The following ANO6 variants were observed in gnomAD, a reference collection of about 807,000 sequenced individuals.
ANO6 encodes the protein anoctamin 6.
In ANO6, 106 loss-of-function variants were observed where a neutral mutation model predicts 117.5. The observed-to-expected ratio is 0.90, with a 90% CI of 0.77 to 1.06. The LOEUF is 1.06. Among genes scored for constraint, ANO6 ranks in the 50% least tolerant of loss-of-function variants. ANO6 has a pLI of 0.00. For synonymous variants in ANO6, 367 were observed against 385.1 expected (o/e 0.95, Z 0.55); for missense variants, 955 against 1,121.1 (o/e 0.85, Z 2.12).
chr12:45,302,231 T>G, intron 2 of ANO6, 138 bp downstream of exon 2: 1 of 775,032 alleles, frequency 1.3e-6, no homozygotes, highest in Non-Finnish European at 2.2e-6. Context: ...GGACTGTGCG[T>G]TCAGAGCTCT....
intron 8 of ANO6, among the ~76,000 whole-genome samples, chr12:45,359,895 C>T (rs1389216934): frequency 1.3e-5 from 2 of 152,130 alleles, no homozygotes; most frequent in Non-Finnish European, 2.9e-5. Context: ...CATATTCCAC[C>T]TGCAATGTAT....
chr12:45,430,255 C>G lies in ANO6; in HGVS notation c.*944C>G. 1 of 985,372 alleles carries G rather than the reference C, an allele frequency of 1.0e-6. No individual in the cohort carries two copies. The highest frequency in any genetic ancestry group is 1.2e-6 in the Non-Finnish European group (1 of 829,942). The allele number at this position is 985,372 out of a possible 1,614,324, so 61.0% of individuals were successfully genotyped here. ...AATTTTCTACCAGTTGACTTTTATT[C>G]ATTAGATACAGAAGGTGCAGTATTA... On this transcript the variant is annotated 3_prime_UTR_variant, in exon 20 of 20. Transcript: ENST00000320560.
intron 10 of ANO6, among the ~76,000 whole-genome samples, chr12:45,379,163 A>G (rs545473261): frequency 3.3e-4 from 51 of 152,328 alleles, no homozygotes; most frequent in African/African-American, 9.4e-4. Flanking sequence ...AAACTGAACC[A>G]AGTTTCTTAT....
At chr12:45,293,729 G>GTTTTTTTTTTTT (rs138396024) in intron 1 of ANO6, among the ~76,000 whole-genome samples, 33 of 48,402 alleles carry the variant, frequency 6.8e-4, no homozygotes, top group Admixed American at 1.4e-3. Flanking sequence ...CCTGGCTAAT[G>GTTTTTTTTTTTT]TTTTTTTTTT....
At chr12:45,271,441 T>G (rs975918880) in intron 1 of ANO6, among the ~76,000 whole-genome samples, 5 of 152,240 alleles carry the variant, frequency 3.3e-5, no homozygotes, top group African/African-American at 1.2e-4. Flanking sequence ...TTACTTTTAA[T>G]AGCAAAAAGT....
intron 1 of ANO6, among the ~76,000 whole-genome samples, chr12:45,242,922 T>A (rs1947768524): frequency 6.6e-6 from 1 of 152,222 alleles, no homozygotes; most frequent in Admixed American, 6.5e-5. Flanking sequence ...AATTAATATT[T>A]TGCAAACATG....
chr12:45,400,941 A>G (rs1942769444), intron 12 of ANO6, among the ~76,000 whole-genome samples: 4 of 152,220 alleles, frequency 2.6e-5, no homozygotes, highest in African/African-American at 7.2e-5. Context: ...AGTACTGTGT[A>G]TCAAGTAAGG....
At chr12:45,333,272 C>A (rs1305553728) in intron 3 of ANO6, among the ~76,000 whole-genome samples, 1 of 151,926 alleles carries the variant, frequency 6.6e-6, no homozygotes, top group Non-Finnish European at 1.5e-5. Context: ...GCATGACTTT[C>A]CTGTTATTAT....
intron 2 of ANO6, among the ~76,000 whole-genome samples, chr12:45,317,113 G>GTGTGTGTGTGTATATATATA: frequency 9.0e-5 from 6 of 66,440 alleles, no homozygotes; most frequent in Non-Finnish European, 1.1e-4. Context: ...CTTTTTATAT[G>GTGTGTGTGTGTATATATATA]TATATATATA....
chr12:45,241,873 A>G (rs982983104), intron 1 of ANO6, among the ~76,000 whole-genome samples: 9 of 152,226 alleles, frequency 5.9e-5, no homozygotes, highest in Non-Finnish European at 1.2e-4. Flanking sequence ...GGGTATCACC[A>G]GTTGAGGCTG....
At chr12:45,403,602 C>T (rs1052535778) in intron 15 of ANO6, 66 bp downstream of exon 15, 1 of 1,329,772 alleles carries the variant, frequency 7.5e-7, no homozygotes. Flanking sequence ...CCACACAAAT[C>T]ATTTGCCTAC....
Position 45,430,015 on chromosome 12 carries a change from G to A in ANO6, c.*704G>A, listed in dbSNP as rs1943596420. ...TTATCTTCCAGGAGCACTCCTAGGA[G>A]GTTCCGTGCCTAATCAATGTTGACT... On this transcript the variant is annotated 3_prime_UTR_variant, in exon 20 of 20. Coordinates refer to ENST00000320560, the MANE Select transcript of ANO6 (RefSeq NM_001025356.3). The A allele has an allele frequency of 1.0e-6, 1 of 985,444 alleles. No homozygotes were observed. Among genetic ancestry groups the A allele is most frequent in the Non-Finnish European group, 1.2e-6 (1 of 830,064 alleles). 61.0% of individuals were successfully genotyped at this position (985,444 alleles called of 1,614,324 possible).
intron 3 of ANO6, among the ~76,000 whole-genome samples, chr12:45,332,832 G>T (rs10785571): frequency 0.54 from 81,933 of 151,820 alleles, 22,881 homozygotes; most frequent in East Asian, 0.88. Context: ...TACTCATGCT[G>T]CTTTACCACT....
At chr12:45,380,273 C>T (rs927329909) in intron 10 of ANO6, among the ~76,000 whole-genome samples, 11 of 152,232 alleles carry the variant, frequency 7.2e-5, no homozygotes, top group Admixed American at 3.9e-4. Context: ...CCTGCCCACT[C>T]CCTTCCTTGT....
At chr12:45,342,492 C>G (rs1260681969) in intron 3 of ANO6, among the ~76,000 whole-genome samples, 1 of 152,084 alleles carries the variant, frequency 6.6e-6, no homozygotes, top group African/African-American at 2.4e-5. Context: ...TGCTCTCTAT[C>G]TGGTGTTGGT....
rs535446344 is a variant in ANO6 at position 45,259,201 on chromosome 12, G to A, written c.70+42810G>A. The stretch of plus-strand genomic sequence containing the variant: ...CAGAATGGTGAAGCATTAAGTTTGA[G>A]GTGGTGTCCCCATGGTGCTTGGCAC... On this transcript the variant is annotated intron_variant, in intron 1 of 19. Transcript: ENST00000320560. Among the ~76,000 whole-genome samples, 21 of 152,336 alleles carry A rather than the reference G, an allele frequency of 1.4e-4. No individual in the cohort carries two copies. In the South Asian group the frequency reaches 4.4e-3, roughly 32 times the overall value.
intron 10 of ANO6, among the ~76,000 whole-genome samples, chr12:45,379,924 T>G (rs144809702): frequency 6.6e-6 from 1 of 152,328 alleles, no homozygotes; most frequent in African/African-American, 2.4e-5. Flanking sequence ...TGGCTTTCCT[T>G]GTTACTTCTG....
chr12:45,377,993 T>C lies in ANO6; in HGVS notation c.1105-60T>C, dbSNP rs1051524005. ...TGTAGAATAGACAAAGCATTTCATA[T>C]TTACTGAATCCTAATAAGTGGAGGA... On this transcript the variant is annotated intron_variant, in intron 9 of 19. Transcript: ENST00000320560. The C allele has an allele frequency of 3.4e-6, 5 of 1,481,050 alleles. No individual in the cohort carries two copies. The Admixed American group carries it at 6.7e-5, about 20-fold the overall frequency. 91.7% of individuals were successfully genotyped at this position (1,481,050 alleles called of 1,614,324 possible). A position where few individuals can be genotyped will look rare whatever the true frequency, so the allele number is the denominator to read the frequency against.
intron 15 of ANO6, 125 bp from the exon 16 acceptor site, chr12:45,409,232 G>T: frequency 7.9e-7 from 1 of 1,263,690 alleles, no homozygotes; most frequent in Non-Finnish European, 1.1e-6. Flanking sequence ...AACAAATTTA[G>T]CATGCAAACA....
Sources: allele counts gnomAD v4.1 joint callset (sites outside exome capture counted in the v4.1 genomes callset), GRCh38; gene constraint gnomAD v4.1.1; transcripts MANE v1.5; gene names NCBI Gene and HGNC (gene_info 2026-07-23, HGNC 2026-07-21).